Variants in ERBB4 observed in about 807,000 individuals in gnomAD.
The protein encoded by ERBB4 is erb-b2 receptor tyrosine kinase 4.
Under a neutral mutation model 158.0 loss-of-function variants are expected in ERBB4, and 42 were observed. The ratio of observed to expected loss-of-function variants is 0.27; its 90% CI spans 0.21 to 0.34. The LOEUF (loss-of-function observed/expected upper bound fraction) is 0.34. Among genes scored for constraint, ERBB4 ranks in the 10% least tolerant of loss-of-function variants. The pLI is 1.00. For missense variants in ERBB4, 1,333 were observed against 1,624.1 expected, an observed-to-expected ratio of 0.82 and a Z score of 3.08; for synonymous variants, 583 against 558.7, an observed-to-expected ratio of 1.04 and a Z score of -0.61.
chr2:211,566,225 T>C (rs964358956), intron 19 of ERBB4, among the ~76,000 whole-genome samples: 9 of 151,978 alleles, frequency 5.9e-5, no homozygotes, highest in Non-Finnish European at 1.2e-4. Flanking sequence ...GAAGCATCCT[T>C]ACATGGTATC....
chr2:212,129,587 T>C (rs1050390289), intron 1 of ERBB4, among the ~76,000 whole-genome samples: 1 of 151,906 alleles, frequency 6.6e-6, no homozygotes, highest in Non-Finnish European at 1.5e-5. Flanking sequence ...ATTCATTTAC[T>C]TGATATCAGA....
At chr2:212,274,785 T>G (rs1428999195) in intron 1 of ERBB4, among the ~76,000 whole-genome samples, 1 of 151,870 alleles carries the variant, frequency 6.6e-6, no homozygotes, top group Non-Finnish European at 1.5e-5. Context: ...TTAATTTTTT[T>G]ATTACACTTT....
intron 20 of ERBB4, among the ~76,000 whole-genome samples, chr2:211,451,809 T>C (rs2064253819): frequency 6.6e-6 from 1 of 152,182 alleles, no homozygotes; most frequent in African/African-American, 2.4e-5. Context: ...AAGGATCCTG[T>C]CTCAAAACCA....
intron 2 of ERBB4, among the ~76,000 whole-genome samples, chr2:212,047,860 T>G: frequency 6.6e-6 from 1 of 152,160 alleles, no homozygotes; most frequent in East Asian, 1.9e-4. Context: ...ACTCTTGTTT[T>G]CATGGAGTTT....
At chr2:212,221,911 T>G (rs2083302159) in intron 1 of ERBB4, among the ~76,000 whole-genome samples, 1 of 151,498 alleles carries the variant, frequency 6.6e-6, no homozygotes, top group South Asian at 2.1e-4. Flanking sequence ...GTAAAGAATA[T>G]TATATAAAAA....
At chr2:211,863,677 C>T (rs886354906) in intron 3 of ERBB4, among the ~76,000 whole-genome samples, 1 of 152,144 alleles carries the variant, frequency 6.6e-6, no homozygotes, top group Non-Finnish European at 1.5e-5. Flanking sequence ...CACATCTGAA[C>T]ATCTGAAGTA....
chr2:212,248,321 A>G (rs1266976592), intron 1 of ERBB4, among the ~76,000 whole-genome samples: 1 of 152,134 alleles, frequency 6.6e-6, no homozygotes, highest in Non-Finnish European at 1.5e-5. Flanking sequence ...TATGCACCTA[A>G]TATGCCTTTT....
rs762444201 is a variant in ERBB4 at position 211,431,032 on chromosome 2, T to C, written c.2556A>G (p.Lys852=). ...CTGTGATTTTCACATGGTTTGGAGA[T>C]TTCACTAAGACATTACGGGCTGCCA... ...RDLAARNVLV[K]SPNHVKITDF... is the part of the protein sequence containing the mutation. The change falls in exon 21 of 28, where the codon AAA becomes AAG. Residue 852 remains lysine (K), a synonymous_variant. Transcript: ENST00000342788. 1 of 1,613,986 alleles carries C rather than the reference T, an allele frequency of 6.2e-7. No individual in the cohort carries two copies. Among genetic ancestry groups the C allele is most frequent in the South Asian group, 1.1e-5 (1 of 91,078 alleles).
intron 3 of ERBB4, among the ~76,000 whole-genome samples, chr2:211,809,059 C>T (rs1426880578): frequency 4.6e-5 from 7 of 152,200 alleles, no homozygotes; most frequent in Non-Finnish European, 8.8e-5. Flanking sequence ...AATGTACAGT[C>T]ATGTCATCTG....
intron 2 of ERBB4, among the ~76,000 whole-genome samples, chr2:212,027,706 C>T (rs540185663): frequency 6.6e-6 from 1 of 152,156 alleles, no homozygotes; most frequent in South Asian, 2.1e-4. Flanking sequence ...ACAAACTCCA[C>T]AGTTTTACTC....
At chr2:211,618,851 G>T (rs2069489457) in intron 19 of ERBB4, among the ~76,000 whole-genome samples, 1 of 151,844 alleles carries the variant, frequency 6.6e-6, no homozygotes, top group Admixed American at 6.6e-5. Context: ...CTCACTGGAG[G>T]GCTATTTGGT....
chr2:211,601,129 T>C (rs1284091838), intron 19 of ERBB4, among the ~76,000 whole-genome samples: 1 of 152,138 alleles, frequency 6.6e-6, no homozygotes, highest in East Asian at 1.9e-4. Flanking sequence ...ATCAACCAAG[T>C]ATCATGCATT....
At chr2:211,612,903 G>C (rs571479313) in intron 19 of ERBB4, among the ~76,000 whole-genome samples, 1 of 152,120 alleles carries the variant, frequency 6.6e-6, no homozygotes, top group African/African-American at 2.4e-5. Context: ...GTTGTTTGTG[G>C]GGTTGTGACA....
chr2:212,253,785 G>GA (rs1453995913), intron 1 of ERBB4, among the ~76,000 whole-genome samples: 1 of 152,164 alleles, frequency 6.6e-6, no homozygotes, highest in East Asian at 1.9e-4. Context: ...GATATGTTCT[G>GA]AAAAATGTAT....
chr2:212,003,197 G>GA (rs1559293591), intron 2 of ERBB4, among the ~76,000 whole-genome samples: 3 of 58,862 alleles, frequency 5.1e-5, no homozygotes, highest in Middle Eastern at 8.1e-3. Context: ...AAGAAAGAAA[G>GA]AAAGAAAGAC....
intron 1 of ERBB4, among the ~76,000 whole-genome samples, chr2:212,306,567 T>C (rs2086817891): frequency 6.6e-6 from 1 of 151,410 alleles, no homozygotes; most frequent in African/African-American, 2.4e-5. Flanking sequence ...TGAAATAAAT[T>C]GCTCTAATTG....
At chr2:212,532,731 G>C (rs1692823256) in intron 1 of ERBB4, among the ~76,000 whole-genome samples, 1 of 152,172 alleles carries the variant, frequency 6.6e-6, no homozygotes, top group African/African-American at 2.4e-5. Flanking sequence ...GGCTGTTGCT[G>C]TACTACCCAC....
chr2:211,646,390 T>C (rs2105869178), intron 16 of ERBB4, among the ~76,000 whole-genome samples: 1 of 151,712 alleles, frequency 6.6e-6, no homozygotes, highest in African/African-American at 2.4e-5. Flanking sequence ...GGATGATGAA[T>C]TCTACATTTA....
chr2:212,018,969 G>A (rs750242752), intron 2 of ERBB4, among the ~76,000 whole-genome samples: 13 of 152,066 alleles, frequency 8.5e-5, no homozygotes, highest in Non-Finnish European at 1.8e-4. Context: ...GTGAGGGGGA[G>A]CGGTGGTTAT....
Sources: gnomAD v4.1 joint callset for allele counts (sites outside exome capture counted in the v4.1 genomes callset) on GRCh38, gnomAD v4.1.1 for gene constraint, MANE v1.5 for transcripts, NCBI Gene and HGNC (gene_info 2026-07-23, HGNC 2026-07-21) for gene names.